The following TRIM23 variants were observed in gnomAD, a reference collection of about 807,000 sequenced individuals.
TRIM23 encodes the protein E3 ubiquitin-protein ligase TRIM23.
TRIM23 carries 27 observed loss-of-function variants against 71.0 expected under a neutral mutation model. The observed-to-expected ratio is 0.38, with a 90% confidence interval of 0.28 to 0.52. The LOEUF (loss-of-function observed/expected upper bound fraction) is 0.52. Ranked by LOEUF, TRIM23 falls within the 20% of genes least tolerant of loss-of-function variation. TRIM23 has a pLI of 0.84. For synonymous variants in TRIM23, 234 were observed against 238.0 expected, an observed-to-expected ratio of 0.98 and a Z score of 0.16; for missense variants, 482 against 692.3, an observed-to-expected ratio of 0.70 and a Z score of 3.41.
intron 7 of TRIM23, among the ~76,000 whole-genome samples, chr5:65,598,031 C>T (rs1036535585): frequency 6.6e-6 from 1 of 152,148 alleles, no homozygotes; most frequent in African/African-American, 2.4e-5. Context: ...TTTTATGATA[C>T]AAACTTTTCC....
At chr5:65,605,456 AAGTG>A (rs1353198432) in intron 6 of TRIM23, among the ~76,000 whole-genome samples, 1 of 152,208 alleles carries the variant, frequency 6.6e-6, no homozygotes, top group Non-Finnish European at 1.5e-5. Context: ...TAGTGGCCAG[AAGTG>A]AGTATGAGGG....
At chr5:65,610,744 T>G in intron 5 of TRIM23, 117 bp downstream of exon 5, 1 of 802,078 alleles carries the variant, frequency 1.2e-6, no homozygotes, top group Non-Finnish European at 1.9e-6. Flanking sequence ...TTTAAAAAAC[T>G]TTCTAATGAT....
chr5:65,609,348 A>G lies in TRIM23; in HGVS notation c.939T>C (p.His313=), dbSNP rs1165399336. 11 of 1,614,092 alleles carry G rather than the reference A, an allele frequency of 6.8e-6. No homozygotes were observed. In the Admixed American group the frequency reaches 1.5e-4, roughly 22 times the overall value. The part of the protein sequence containing the change: ...EEMALSVVDA[H]VREKLIWLRQ... ...TGAGCCAAATCAATTTTTCACGAACATGAGCATCAACAACACTTAGAGCCA... is the reference window on the plus strand; with the variant it reads ...TGAGCCAAATCAATTTTTCACGAACGTGAGCATCAACAACACTTAGAGCCA... Residue 313 remains histidine, a synonymous_variant, in exon 6 of 11, where the codon CAT becomes CAC. Transcript: ENST00000231524.
At chr5:65,611,532 G>A in intron 4 of TRIM23, 71 bp downstream of exon 4, 5 of 1,514,406 alleles carry the variant, frequency 3.3e-6, no homozygotes, top group Non-Finnish European at 4.5e-6. Flanking sequence ...AAAGAACCAG[G>A]TCAGTGAAAA....
chr5:65,591,409 G>C lies in TRIM23; in HGVS notation c.*360C>G. 1 of 1,576,780 alleles carries C rather than the reference G, an allele frequency of 6.3e-7. No individual in the cohort carries two copies. Among genetic ancestry groups the C allele is most frequent in the Non-Finnish European group, 8.6e-7 (1 of 1,163,398 alleles). ...AGAGGTCTCATTAGGCACTCAATTGGCTATTCTTTTTTCACTGAAAGAATA... is the reference window on the plus strand; with the variant it reads ...AGAGGTCTCATTAGGCACTCAATTGCCTATTCTTTTTTCACTGAAAGAATA... On this transcript the variant is annotated 3_prime_UTR_variant, in exon 11 of 11. Coordinates refer to ENST00000231524, the MANE Select transcript of TRIM23 (RefSeq NM_001656.4).
At chr5:65,600,171 A>ATC (rs1754322643) in intron 7 of TRIM23, among the ~76,000 whole-genome samples, 4 of 152,190 alleles carry the variant, frequency 2.6e-5, no homozygotes, top group Non-Finnish European at 5.9e-5. Flanking sequence ...CATTCATGAG[A>ATC]AACTGCCCCC....
intron 9 of TRIM23, 106 bp downstream of exon 9, chr5:65,596,315 A>G: frequency 1.3e-6 from 1 of 756,540 alleles, no homozygotes; most frequent in Admixed American, 2.6e-5. Flanking sequence ...ACTTAAGTAT[A>G]CAGTCAACGA....
chr5:65,599,390 A>T (rs1356296158), intron 7 of TRIM23, among the ~76,000 whole-genome samples: 18 of 152,190 alleles, frequency 1.2e-4, no homozygotes, highest in Non-Finnish European at 2.9e-5. Flanking sequence ...CAGAAAAAAA[A>T]GTTTAAGATA....
intron 7 of TRIM23, among the ~76,000 whole-genome samples, chr5:65,602,115 T>C (rs1754379044): frequency 6.6e-6 from 1 of 152,118 alleles, no homozygotes; most frequent in South Asian, 2.1e-4. Flanking sequence ...AGAAGATGGG[T>C]TTTTCTTCTC....
In TRIM23 at chr5:65,591,699, A is replaced by T; in HGVS notation, c.*70T>A. On this transcript the variant is annotated 3_prime_UTR_variant, in exon 11 of 11. Transcript: ENST00000231524. ...AAATTACCATCTTTTGAGATGTATA[A>T]TTTCTTAAAACATACTATGTGCAAA... is the stretch of plus-strand genomic sequence containing the variant. The T allele has an allele frequency of 1.4e-6, 2 of 1,432,126 alleles. No homozygotes were observed. The highest frequency in any genetic ancestry group is 3.3e-5 in the South Asian group (2 of 59,912). The allele number at this position is 1,432,126 out of a possible 1,614,324, so 88.7% of individuals were successfully genotyped here. A position where few individuals can be genotyped will look rare whatever the true frequency, so the allele number is the denominator to read the frequency against.
intron 7 of TRIM23, among the ~76,000 whole-genome samples, chr5:65,602,460 G>A (rs560814390): frequency 1.3e-5 from 2 of 152,270 alleles, no homozygotes; most frequent in South Asian, 4.1e-4. Context: ...TCTCTAGGAA[G>A]TTCCAAACTT....
intron 2 of TRIM23, among the ~76,000 whole-genome samples, chr5:65,616,599 G>A (rs532887856): frequency 2.1e-5 from 3 of 143,068 alleles, no homozygotes; most frequent in Admixed American, 7.1e-5. Context: ...CTGAGATCGC[G>A]CCACAGCACT....
At chr5:65,614,242 A>G (rs1432141339) in intron 2 of TRIM23, 23 bp from the exon 3 acceptor site, 3 of 1,596,520 alleles carry the variant, frequency 1.9e-6, no homozygotes, top group Non-Finnish European at 2.6e-6. Flanking sequence ...TAAAAACAAA[A>G]ACTAAATCTA....
At chr5:65,607,274 TAA>T (rs1438563053) in intron 6 of TRIM23, 1 of 152,206 alleles carries the variant, frequency 6.6e-6, no homozygotes, top group East Asian at 1.9e-4. Context: ...TTAACATAGA[TAA>T]TACTGTATCA....
chr5:65,609,076 G>A (rs1341824062), intron 6 of TRIM23, among the ~76,000 whole-genome samples, 167 bp downstream of exon 6: 1 of 152,184 alleles, frequency 6.6e-6, no homozygotes, highest in African/African-American at 2.4e-5. Context: ...GAACGACACT[G>A]ATAATTCCAT....
At chr5:65,613,318 T>C (rs546060847) in intron 3 of TRIM23, among the ~76,000 whole-genome samples, 1 of 152,250 alleles carries the variant, frequency 6.6e-6, no homozygotes, top group Non-Finnish European at 1.5e-5. Flanking sequence ...TGAAATTCAT[T>C]TCACTGATTC....
intron 1 of TRIM23, among the ~76,000 whole-genome samples, chr5:65,623,081 A>G (rs1377689924): frequency 1.3e-5 from 2 of 152,218 alleles, no homozygotes; most frequent in African/African-American, 2.4e-5. Context: ...GGTCATCTGA[A>G]TCAACAACCA....
At chr5:65,601,996 A>C (rs1301714753) in intron 7 of TRIM23, among the ~76,000 whole-genome samples, 2 of 152,110 alleles carry the variant, frequency 1.3e-5, no homozygotes, top group African/African-American at 4.8e-5. Flanking sequence ...AGGGGCTGCC[A>C]TGAAGGTCTC....
At chr5:65,613,648 A>G (rs1360686674) in intron 3 of TRIM23, 1 of 1,094,698 alleles carries the variant, frequency 9.1e-7, no homozygotes, top group African/African-American at 1.7e-5. Context: ...CTTTTCTTGA[A>G]GCTATAACAG....
Sources: gnomAD v4.1 joint callset for allele counts (sites outside exome capture counted in the v4.1 genomes callset) on GRCh38, gnomAD v4.1.1 for gene constraint, MANE v1.5 for transcripts, NCBI Gene and HGNC (gene_info 2026-07-23, HGNC 2026-07-21) for gene names.